Variants in AGMO observed in about 807,000 individuals in gnomAD.
AGMO encodes alkylglycerol monooxygenase.
Under a neutral mutation model 60.2 loss-of-function variants are expected in AGMO, and 75 were observed. The ratio of observed to expected loss-of-function variants is 1.25; its 90% confidence interval spans 1.03 to 1.51. The LOEUF (loss-of-function observed/expected upper bound fraction) is 1.51. Among genes scored for constraint, AGMO ranks in the 40% most tolerant of loss-of-function variants. The probability of loss-of-function intolerance (pLI) is 0.00; values close to 1 mark genes in which losing one functional copy is unlikely to be tolerated. For synonymous variants in AGMO, 261 were observed against 177.1 expected, an observed-to-expected ratio of 1.47 and a Z score of -3.76; for missense variants, 763 against 525.5, an observed-to-expected ratio of 1.45 and a Z score of -4.42.
chr7:15,314,429 A>T (rs1358268805), intron 12 of AGMO, among the ~76,000 whole-genome samples: 2 of 152,256 alleles, frequency 1.3e-5, no homozygotes, highest in Admixed American at 6.5e-5. Context: ...ATGTATGCTT[A>T]AAGTTTATAA....
Position 15,398,777 on chromosome 7 carries a change from A to G in AGMO, c.610-4598T>C, listed in dbSNP as rs571548056. On this transcript the variant is annotated intron_variant, in intron 5 of 12. Coordinates refer to ENST00000342526, the MANE Select transcript of AGMO (RefSeq NM_001004320.2). ...ATTTTAGGACATACAGAGGGCTTCA[A>G]TATAACATAGTCCAATACTTCATTA... Among the ~76,000 whole-genome samples the G allele has an allele frequency of 9.2e-5, 14 of 152,268 alleles. No individual in the cohort carries two copies. The South Asian group carries it at 2.9e-3, about 32-fold the overall frequency.
At chr7:15,377,592 A>G (rs1388449118) in intron 10 of AGMO, among the ~76,000 whole-genome samples, 20 of 152,052 alleles carry the variant, frequency 1.3e-4, no homozygotes, top group Admixed American at 9.8e-4. Flanking sequence ...ATGAATCAGT[A>G]TAATTTATTT....
intron 12 of AGMO, among the ~76,000 whole-genome samples, chr7:15,203,390 T>A (rs1781355716): frequency 6.6e-6 from 1 of 152,176 alleles, no homozygotes; most frequent in African/African-American, 2.4e-5. Flanking sequence ...AGGACCTACC[T>A]CTAAGTAAAT....
chr7:15,236,905 T>A (rs1456355481), intron 12 of AGMO, among the ~76,000 whole-genome samples: 2 of 151,766 alleles, frequency 1.3e-5, no homozygotes. Context: ...GAAACGGCCA[T>A]CTAAGAAACT....
intron 12 of AGMO, among the ~76,000 whole-genome samples, chr7:15,352,632 T>G (rs1378239814): frequency 6.6e-6 from 1 of 151,816 alleles, no homozygotes; most frequent in African/African-American, 2.4e-5. Context: ...ATTCTGGCCT[T>G]GAGTTGATGG....
At chr7:15,182,564 C>T in the AGMO span, among the ~76,000 whole-genome samples, 1 of 152,082 alleles carries the variant, frequency 6.6e-6, no homozygotes, top group Non-Finnish European at 1.5e-5. Context: ...TGCATGTGTG[C>T]ACCACCATAC....
chr7:15,140,327 G>A, the AGMO span, among the ~76,000 whole-genome samples: 1 of 151,938 alleles, frequency 6.6e-6, no homozygotes, highest in Non-Finnish European at 1.5e-5. Context: ...ACTTCTTTGA[G>A]GAGATTTGTC....
intron 9 of AGMO, among the ~76,000 whole-genome samples, chr7:15,387,139 A>C (rs976509607): frequency 2.0e-5 from 3 of 152,204 alleles, no homozygotes; most frequent in Admixed American, 1.3e-4. Context: ...GCAAGCGTTC[A>C]AGTCGATATG....
At chr7:15,527,817 A>G (rs987376410) in intron 3 of AGMO, among the ~76,000 whole-genome samples, 2 of 152,168 alleles carry the variant, frequency 1.3e-5, no homozygotes, top group African/African-American at 4.8e-5. Context: ...ATTATGCTAA[A>G]TGTACTCTGC....
At chr7:15,344,082 T>C (rs572231586) in intron 12 of AGMO, among the ~76,000 whole-genome samples, 173 of 152,280 alleles carry the variant, frequency 1.1e-3, no homozygotes, top group Non-Finnish European at 2.1e-3. Context: ...AATGTAAAAT[T>C]CCAAGTTTGA....
At chr7:15,363,318 C>A (rs1782837024) in intron 12 of AGMO, among the ~76,000 whole-genome samples, 1 of 152,104 alleles carries the variant, frequency 6.6e-6, no homozygotes, top group African/African-American at 2.4e-5. Flanking sequence ...TTCAAATGAT[C>A]CTTAAGTTCA....
intron 3 of AGMO, among the ~76,000 whole-genome samples, chr7:15,485,159 A>AAAAAAAAAAC (rs1782880125): frequency 6.6e-6 from 1 of 150,814 alleles, no homozygotes; most frequent in Non-Finnish European, 1.5e-5. Flanking sequence ...AAAAAAAAAA[A>AAAAAAAAAAC]AGAAAAACAT....
At chr7:15,443,143 A>T (rs1056819874) in intron 3 of AGMO, among the ~76,000 whole-genome samples, 1 of 152,220 alleles carries the variant, frequency 6.6e-6, no homozygotes, top group Admixed American at 6.5e-5. Flanking sequence ...ACACCAAGGC[A>T]GGAAACCCTG....
At chr7:15,412,203 G>C (rs1158827944) in intron 5 of AGMO, among the ~76,000 whole-genome samples, 1 of 152,064 alleles carries the variant, frequency 6.6e-6, no homozygotes. Context: ...CAGCTCTCTT[G>C]TACTCTGATT....
In AGMO at chr7:15,432,845, C is replaced by A. The variant is rs185801247; in HGVS notation, c.410-1737G>T. On this transcript the variant is annotated intron_variant, in intron 3 of 12. Transcript: ENST00000342526. Reference sequence around the variant, plus strand: ...CCAAATTATCTGGTTTATTGATAAGCCTAATGGCTGTACATAAGAAATATA... The same window carrying A: ...CCAAATTATCTGGTTTATTGATAAGACTAATGGCTGTACATAAGAAATATA... Among the ~76,000 whole-genome samples the A allele has an allele frequency of 2.6e-5, 4 of 152,002 alleles. No homozygotes were observed. The East Asian group carries it at 7.7e-4, about 29-fold the overall frequency.
intron 12 of AGMO, among the ~76,000 whole-genome samples, chr7:15,282,526 TAAAG>T (rs1354992283): frequency 2.0e-5 from 3 of 151,674 alleles, no homozygotes; most frequent in African/African-American, 4.8e-5. Flanking sequence ...AGAAAAATAA[TAAAG>T]AAAAAAGAAT....
At chr7:15,550,533 A>G (rs1426240304) in intron 2 of AGMO, among the ~76,000 whole-genome samples, 3 of 152,206 alleles carry the variant, frequency 2.0e-5, no homozygotes, top group East Asian at 3.9e-4. Context: ...AGAATACTAC[A>G]AACACCTCTA....
intron 3 of AGMO, among the ~76,000 whole-genome samples, chr7:15,491,059 A>G (rs181256362): frequency 8.5e-5 from 13 of 152,302 alleles, no homozygotes; most frequent in Admixed American, 5.2e-4. Context: ...GAGAACTCTA[A>G]TCTGCCCATT....
chr7:15,233,698 C>T (rs1270360698), intron 12 of AGMO, among the ~76,000 whole-genome samples: 1 of 152,166 alleles, frequency 6.6e-6, no homozygotes, highest in Non-Finnish European at 1.5e-5. Flanking sequence ...CACATTGCTG[C>T]AGTATGTAGT....
Sources: gnomAD v4.1 joint callset for allele counts (sites outside exome capture counted in the v4.1 genomes callset) on GRCh38, gnomAD v4.1.1 for gene constraint, MANE v1.5 for transcripts, NCBI Gene and HGNC (gene_info 2026-07-23, HGNC 2026-07-21) for gene names.